NDUFAF6: variants seen among roughly 807,000 people sequenced by gnomAD.
NDUFAF6 encodes NADH:ubiquinone oxidoreductase complex assembly factor 6, also known as NADH dehydrogenase (ubiquinone) complex I, assembly factor 6.
A neutral mutation model predicts 40.8 loss-of-function variants in NDUFAF6; 45 were observed. The observed-to-expected ratio is 1.10, with a 90% CI of 0.87 to 1.42. The LOEUF (loss-of-function observed/expected upper bound fraction) is 1.42, where lower values mean the gene tolerates loss of function less well. Among genes scored for constraint, NDUFAF6 ranks in the 40% most tolerant of loss-of-function variants. NDUFAF6 has a pLI of 0.00. For synonymous variants in NDUFAF6, 185 were observed against 155.9 expected, an observed-to-expected ratio of 1.19 and a Z score of -1.39; for missense variants, 435 against 418.5, an observed-to-expected ratio of 1.04 and a Z score of -0.34.
chr8:95,035,586 A>AAG lies in NDUFAF6; in HGVS notation c.420+11_420+12insGA. On this transcript the variant is annotated intron_variant, in intron 3 of 8. Transcript: ENST00000396124. ...CATTGAACTATGGAAGGTAAAAAAAAAAAAATACCACTTTTAATTTGTATG... is the reference window on the plus strand; with the variant it reads ...CATTGAACTATGGAAGGTAAAAAAAAAGAAAAATACCACTTTTAATTTGTATG... 2 of 1,611,182 alleles carry AAG rather than the reference A, an allele frequency of 1.2e-6. No homozygotes were observed. The highest frequency in any genetic ancestry group is 1.7e-6 in the Non-Finnish European group (2 of 1,178,608).
At chr8:95,098,939 A>G (rs1383030492), upstream of NDUFAF6, among the ~76,000 whole-genome samples, 2 of 151,774 alleles carry the variant, frequency 1.3e-5, no homozygotes, top group Non-Finnish European at 2.9e-5. Context: ...TAAAAAACAA[A>G]AAACAAAAAA....
At chr8:95,060,278 A>T (rs540380428), downstream of NDUFAF6, among the ~76,000 whole-genome samples, 2 of 152,126 alleles carry the variant, frequency 1.3e-5, no homozygotes, top group Non-Finnish European at 2.9e-5. Context: ...TGATTTTTTC[A>T]AATCTCTGGG....
intron 9 of NDUFAF6, chr8:95,072,101 TA>T (rs1832885338): frequency 6.6e-6 from 1 of 152,302 alleles, no homozygotes; most frequent in Admixed American, 6.5e-5. Context: ...AATCTTCGCA[TA>T]AACCTCAGGA....
chr8:94,925,506 C>T (rs1819809582), intron 1 of NDUFAF6, among the ~76,000 whole-genome samples: 2 of 151,624 alleles, frequency 1.3e-5, no homozygotes, highest in Admixed American at 1.3e-4. Context: ...CATCCAATTC[C>T]TGTTCACTTA....
At chr8:95,015,265 G>T (rs1827394565) in intron 2 of NDUFAF6, among the ~76,000 whole-genome samples, 1 of 152,136 alleles carries the variant, frequency 6.6e-6, no homozygotes, top group African/African-American at 2.4e-5. Context: ...ACCTAAATAA[G>T]GAGGAAAGGA....
chr8:95,006,912 T>C (rs1333149124), intron 2 of NDUFAF6, among the ~76,000 whole-genome samples: 3 of 151,992 alleles, frequency 2.0e-5, no homozygotes, highest in Non-Finnish European at 4.4e-5. Context: ...AGGTGCAATA[T>C]TGTATATTTT....
intron 1 of NDUFAF6, among the ~76,000 whole-genome samples, chr8:94,912,641 AAAAG>A (rs893210442): frequency 5.3e-5 from 8 of 151,972 alleles, no homozygotes; most frequent in African/African-American, 9.7e-5. Flanking sequence ...CTAAAAAAAA[AAAAG>A]AAAGAAAAAT....
rs146993314 is a variant in NDUFAF6 at position 94,986,831 on chromosome 8, G to A, written c.-84+5858G>A. Among the ~76,000 whole-genome samples the A allele has an allele frequency of 7.3e-4, 111 of 152,140 alleles. No homozygotes were observed. The East Asian group carries it at 0.021, about 29-fold the overall frequency. On this transcript the variant is annotated intron_variant, in intron 2 of 9. Coordinates refer to the NDUFAF6 transcript ENST00000396111. ...CCAGTTAGGACTAAGAAAACACCAG[G>A]GTGGTTAAATGGTAAATTTTATGTT...
chr8:95,108,724 C>A (rs965677607), intron 4 of NDUFAF6, among the ~76,000 whole-genome samples: 3 of 152,060 alleles, frequency 2.0e-5, no homozygotes, highest in East Asian at 1.9e-4. Flanking sequence ...GAAATTGGAA[C>A]CTTTGTGCTT....
At chr8:94,939,703 G>A (rs1304120868) in intron 1 of NDUFAF6, 5 of 1,101,086 alleles carry the variant, frequency 4.5e-6, no homozygotes, top group East Asian at 2.6e-5. Context: ...TGGTCAACAA[G>A]TTATCTTACG....
chr8:94,971,600 A>G (rs1824464043), intron 1 of NDUFAF6, among the ~76,000 whole-genome samples: 1 of 152,062 alleles, frequency 6.6e-6, no homozygotes, highest in South Asian at 2.1e-4. Flanking sequence ...ACAGAATGAC[A>G]CCTCGTATTT....
At chr8:94,940,279 GATTATCAC>G in intron 1 of NDUFAF6, 1 of 1,523,166 alleles carries the variant, frequency 6.6e-7, no homozygotes, top group Non-Finnish European at 8.8e-7. Flanking sequence ...ACAGGAGGAT[GATTATCAC>G]ATTGGGCAGT....
intron 1 of NDUFAF6, among the ~76,000 whole-genome samples, chr8:94,916,339 A>G (rs1819120893): frequency 6.6e-6 from 1 of 152,336 alleles, no homozygotes; most frequent in African/African-American, 2.4e-5. Context: ...AATTTCCTGC[A>G]ATAGGACTAT....
chr8:94,995,360 C>CA lies in NDUFAF6; in HGVS notation c.-84+14391dup, dbSNP rs555942812. On this transcript the variant is annotated intron_variant, in intron 2 of 9. Transcript: ENST00000396111. ...TAATGGGCATACAGTTTCAGTTTTGCAAAATGAAAAAATTCTAAAAATCTC... is the reference window on the plus strand; with the variant it reads ...TAATGGGCATACAGTTTCAGTTTTGCAAAAATGAAAAAATTCTAAAAATCTC... 1.3e-3 allele frequency among the ~76,000 whole-genome samples: 205 copies of CA among 152,112 alleles called. 1 individual carries two copies. Among genetic ancestry groups the CA allele is most frequent in the African/African-American group, 4.7e-3 (194 of 41,508 alleles).
intron 2 of NDUFAF6, among the ~76,000 whole-genome samples, chr8:95,094,763 T>C (rs1359379739): frequency 6.7e-6 from 1 of 149,988 alleles, no homozygotes; most frequent in Non-Finnish European, 1.5e-5. Context: ...TTTTTTTTTT[T>C]TTTTTAAGAA....
intron 2 of NDUFAF6, among the ~76,000 whole-genome samples, chr8:94,984,540 A>G (rs1304341997): frequency 6.6e-6 from 1 of 152,198 alleles, no homozygotes; most frequent in African/African-American, 2.4e-5. Context: ...TTCCTTCTGA[A>G]ACTCAGAGGG....
chr8:95,021,757 A>G (rs1046932847), upstream of NDUFAF6, among the ~76,000 whole-genome samples: 2 of 152,212 alleles, frequency 1.3e-5, no homozygotes, highest in African/African-American at 4.8e-5. Flanking sequence ...GTAAATATAT[A>G]TAAGTGTTTC....
chr8:94,925,323 C>G (rs1214724834), intron 1 of NDUFAF6, among the ~76,000 whole-genome samples: 2 of 152,160 alleles, frequency 1.3e-5, no homozygotes, highest in Non-Finnish European at 2.9e-5. Flanking sequence ...GTATCAATGG[C>G]ATCAGGGAAG....
At chr8:94,978,784 A>G (rs1825177376) in intron 1 of NDUFAF6, among the ~76,000 whole-genome samples, 1 of 152,094 alleles carries the variant, frequency 6.6e-6, no homozygotes, top group African/African-American at 2.4e-5. Context: ...GTGAGCCATC[A>G]TAGCAAATGG....
Sources: gnomAD v4.1 joint callset for allele counts (sites outside exome capture counted in the v4.1 genomes callset) on GRCh38, gnomAD v4.1.1 for gene constraint, MANE v1.5 for transcripts, NCBI Gene and HGNC (gene_info 2026-07-23, HGNC 2026-07-21) for gene names.